NLRP1: variants seen among roughly 807,000 people sequenced by gnomAD.
NLRP1 encodes NLR family pyrin domain containing 1.
In NLRP1, 94 loss-of-function variants were observed where a neutral mutation model predicts 136.7. The ratio of observed to expected loss-of-function variants is 0.69; its 90% CI spans 0.58 to 0.82. The LOEUF is 0.82. NLRP1 is among the 40% of genes least tolerant of loss of function. The probability of loss-of-function intolerance (pLI) is 0.00; values close to 1 mark genes in which losing one functional copy is unlikely to be tolerated. For synonymous variants in NLRP1, 690 were observed against 725.1 expected (o/e 0.95, Z 0.78); for missense variants, 1,575 against 1,802.7 (o/e 0.87, Z 2.29).
Position 5,559,375 on chromosome 17 carries a change from C to A in NLRP1, c.1321G>T (p.Gly441Cys). Reference sequence around the variant, plus strand: ...AGTATAGTTTTCCCCAGCAAACTGCCCAGCAGTGCATCCGCCGGCTGTGGC... The same window carrying A: ...AGTATAGTTTTCCCCAGCAAACTGCACAGCAGTGCATCCGCCGGCTGTGGC... ...SQPQPADALL[G>C]SLLGKTILPE... Residue 441 changes from glycine to cysteine, a missense_variant, in exon 4 of 17, where the codon GGC (glycine) becomes TGC (cysteine). Coordinates refer to ENST00000572272, the MANE Select transcript of NLRP1 (RefSeq NM_033004.4). 6.2e-7 allele frequency: 1 copy of A among 1,614,022 alleles called. No homozygotes were observed. The highest frequency in any genetic ancestry group is 8.5e-7 in the Non-Finnish European group (1 of 1,179,918).
Position 5,527,751 on chromosome 17 carries a change from G to A in NLRP1, c.3520+2730C>T, listed in dbSNP as rs535729758. Among the ~76,000 whole-genome samples the A allele has an allele frequency of 7.2e-5, 11 of 152,386 alleles. No homozygotes were observed. The East Asian group carries it at 1.9e-3, about 27-fold the overall frequency. On this transcript the variant is annotated intron_variant, in intron 12 of 16. Transcript: ENST00000572272. ...CACAAAGGACAGTGCCACAAGCACA[G>A]TGAATTCATTCCTATTCTGATTTGG...
chr17:5,539,208 C>T (rs1231662699), intron 7 of NLRP1, among the ~76,000 whole-genome samples: 2 of 152,216 alleles, frequency 1.3e-5, no homozygotes, highest in African/African-American at 4.8e-5. Context: ...TCATTACAAT[C>T]CATGAAGTGG....
rs61194384 is a variant in NLRP1, at chr17:5,561,426, GTTTTTTTTTTTTTT to G, written c.653-1397_653-1384del. Among the ~76,000 whole-genome samples, 263 of 50,412 alleles carry G rather than the reference GTTTTTTTTTTTTTT, an allele frequency of 5.2e-3. 65 individuals are homozygous for G. The highest frequency in any genetic ancestry group is 0.024 in the African/African-American group (257 of 10,816). 33.1% of individuals were successfully genotyped at this position (50,412 alleles called of 152,430 possible). A position where few individuals can be genotyped will look rare whatever the true frequency, so the allele number is the denominator to read the frequency against. On this transcript the variant is annotated intron_variant, in intron 3 of 16. Coordinates refer to ENST00000572272, the MANE Select transcript of NLRP1 (RefSeq NM_033004.4). ...GATAGATCAAAAAGCATGCCATGTG[GTTTTTTTTTTTTTT>G]TTTTTTTTTTTTTTGAGACGGAGTC...
intron 2 of NLRP1, 139 bp from the exon 3 acceptor site, chr17:5,582,201 C>A: frequency 1.3e-6 from 1 of 748,802 alleles, no homozygotes; most frequent in South Asian, 1.8e-5. Flanking sequence ...AGTAGAGGGG[C>A]AATTTTATTC....
downstream of NLRP1, among the ~76,000 whole-genome samples, chr17:5,512,955 A>AC (rs1907739979): frequency 6.6e-6 from 1 of 151,908 alleles, no homozygotes; most frequent in Non-Finnish European, 1.5e-5. Flanking sequence ...CTCCTGTGTC[A>AC]CCCCCAGCTT....
chr17:5,552,358 T>A (rs997769296), intron 5 of NLRP1, among the ~76,000 whole-genome samples: 1 of 152,200 alleles, frequency 6.6e-6, no homozygotes, highest in Non-Finnish European at 1.5e-5. Flanking sequence ...TCAGAGAATA[T>A]ACTTTGTATG....
At chr17:5,577,147 G>C (rs184188786) in intron 3 of NLRP1, among the ~76,000 whole-genome samples, 2,395 of 152,278 alleles carry the variant, frequency 0.016, 58 homozygotes, top group African/African-American at 0.055. Context: ...CAAACCGACA[G>C]CCAATATCAT....
intron 7 of NLRP1, among the ~76,000 whole-genome samples, chr17:5,538,276 C>G (rs953850839): frequency 6.6e-6 from 1 of 152,084 alleles, no homozygotes; most frequent in Non-Finnish European, 1.5e-5. Context: ...GGGGTGGCTC[C>G]TCGGGGAAGG....
exon 16 of NLRP1, chr17:5,501,793 A>G: frequency 6.2e-7 from 1 of 1,609,860 alleles, no homozygotes; most frequent in Non-Finnish European, 8.5e-7. Flanking sequence ...CTTCATTGGT[A>G]CTGCCGCAGG....
rs759000815 is a variant in NLRP1 at position 5,539,425 on chromosome 17, T to C, written c.2860A>G (p.Ile954Val). 1 of 1,613,050 alleles carries C rather than the reference T, an allele frequency of 6.2e-7. No homozygotes were observed. The highest frequency in any genetic ancestry group is 1.7e-5 in the Admixed American group (1 of 59,984). The change falls in exon 7 of 17, where the codon ATA becomes GTA. Residue 954 changes from isoleucine (I) to valine (V), a missense_variant. Coordinates refer to ENST00000572272, the MANE Select transcript of NLRP1 (RefSeq NM_033004.4). Reference protein sequence around the residue: ...EGLRHPACKLIRLGLDQTTLS... With the variant: ...EGLRHPACKLVRLGLDQTTLS... ...CCCACAGGGCCTTACCCCAGGCGTA[T>C]GAGTTTGCAGGCAGGATGCCTGAGC...
At chr17:5,581,310 A>G (rs1048080948) in intron 3 of NLRP1, among the ~76,000 whole-genome samples, 1 of 152,240 alleles carries the variant, frequency 6.6e-6, no homozygotes, top group Admixed American at 6.5e-5. Flanking sequence ...GTGAAGGCTG[A>G]ATTCCATCTT....
At chr17:5,560,093 T>G in intron 3 of NLRP1, 50 bp from the exon 4 acceptor site, 1 of 1,424,634 alleles carries the variant, frequency 7.0e-7, no homozygotes, top group Non-Finnish European at 9.3e-7. Flanking sequence ...ATAGAAGAAT[T>G]AATTAATTAA....
At chr17:5,572,656 G>A (rs1320489990) in intron 3 of NLRP1, among the ~76,000 whole-genome samples, 1 of 149,100 alleles carries the variant, frequency 6.7e-6, no homozygotes, top group Non-Finnish European at 1.5e-5. Context: ...GTTGCAATGA[G>A]CAGAGATCTC....
At chr17:5,543,659 T>TA (rs35022826) in intron 5 of NLRP1, among the ~76,000 whole-genome samples, 19,341 of 120,624 alleles carry the variant, frequency 0.16, 2,448 homozygotes, top group East Asian at 0.68. Flanking sequence ...CCATCTCAAA[T>TA]AAAAAAAAAA....
At chr17:5,535,866 G>C (rs927072208) in intron 8 of NLRP1, among the ~76,000 whole-genome samples, 1 of 152,354 alleles carries the variant, frequency 6.6e-6, no homozygotes, top group East Asian at 1.9e-4. Flanking sequence ...TCGGGGAAGG[G>C]AAGATGGACT....
At chr17:5,511,543 C>T (rs928276581), downstream of NLRP1, among the ~76,000 whole-genome samples, 6 of 152,074 alleles carry the variant, frequency 3.9e-5, no homozygotes, top group African/African-American at 1.4e-4. Context: ...CCAAGACTGG[C>T]TCCACTTCGG....
chr17:5,510,073 CTTTTT>C (rs899981503), downstream of NLRP1, among the ~76,000 whole-genome samples: 2 of 147,160 alleles, frequency 1.4e-5, no homozygotes, highest in Non-Finnish European at 3.0e-5. Flanking sequence ...TCTTCTTCTT[CTTTTT>C]TTTTTTTAAA....
At chr17:5,570,663 TA>T (rs1314692290) in intron 3 of NLRP1, among the ~76,000 whole-genome samples, 1 of 151,972 alleles carries the variant, frequency 6.6e-6, no homozygotes, top group African/African-American at 2.4e-5. Flanking sequence ...ACCAGACACA[TA>T]AAGAAGAGCT....
chr17:5,509,103 G>GAACA (rs1907497034), intron 15 of NLRP1, among the ~76,000 whole-genome samples: 2 of 152,204 alleles, frequency 1.3e-5, no homozygotes, highest in Admixed American at 1.3e-4. Flanking sequence ...AGGAAACCAA[G>GAACA]AACACAGCAG....
Sources: gnomAD v4.1 joint callset for allele counts (sites outside exome capture counted in the v4.1 genomes callset) on GRCh38, gnomAD v4.1.1 for gene constraint, MANE v1.5 for transcripts, NCBI Gene and HGNC (gene_info 2026-07-23, HGNC 2026-07-21) for gene names.